Variants in CFAP299 observed in about 807,000 individuals in gnomAD.
CFAP299 encodes the protein cilia- and flagella-associated protein 299.
In CFAP299, 21 loss-of-function variants were observed where a neutral mutation model predicts 27.0. The ratio of observed to expected loss-of-function variants is 0.78; its 90% CI spans 0.55 to 1.12. CFAP299 has a LOEUF of 1.12. Among genes scored for constraint, CFAP299 ranks in the 50% most tolerant of loss-of-function variants. The pLI, the probability that CFAP299 is intolerant of heterozygous loss-of-function variation, is 0.00. For missense variants in CFAP299, 310 were observed against 276.6 expected, an observed-to-expected ratio of 1.12 and a Z score of -0.86; for synonymous variants, 104 against 98.1, an observed-to-expected ratio of 1.06 and a Z score of -0.36.
intron 3 of CFAP299, among the ~76,000 whole-genome samples, chr4:80,784,333 T>C (rs1727112804): frequency 6.6e-6 from 1 of 152,136 alleles, no homozygotes; most frequent in African/African-American, 2.4e-5. Flanking sequence ...GAAGGTTCCT[T>C]TTTCTTCACA....
At chr4:80,448,706 T>TA (rs5859726) in intron 2 of CFAP299, among the ~76,000 whole-genome samples, 4 of 151,454 alleles carry the variant, frequency 2.6e-5, no homozygotes, top group African/African-American at 9.7e-5. Flanking sequence ...TTGAACATAA[T>TA]AAAAAAAAAA....
chr4:80,934,146 A>C (rs1303641722), intron 4 of CFAP299, among the ~76,000 whole-genome samples: 1 of 152,062 alleles, frequency 6.6e-6, no homozygotes, highest in Non-Finnish European at 1.5e-5. Context: ...AAGGATGTCA[A>C]CTTTTGTCAA....
At chr4:80,751,839 G>A (rs182798687) in intron 3 of CFAP299, among the ~76,000 whole-genome samples, 1 of 152,142 alleles carries the variant, frequency 6.6e-6, no homozygotes, top group African/African-American at 2.4e-5. Flanking sequence ...CTTGTAAGGT[G>A]CATTAGAAGT....
chr4:80,839,064 C>T (rs1730723183), intron 3 of CFAP299, among the ~76,000 whole-genome samples: 2 of 152,120 alleles, frequency 1.3e-5, no homozygotes, highest in African/African-American at 4.8e-5. Context: ...CACTATTGTT[C>T]CTCAGCTGCC....
At chr4:80,548,887 G>T (rs116619722) in intron 2 of CFAP299, among the ~76,000 whole-genome samples, 6 of 152,082 alleles carry the variant, frequency 3.9e-5, no homozygotes, top group African/African-American at 1.4e-4. Flanking sequence ...GCTTTATGAG[G>T]ACATGACATT....
intron 2 of CFAP299, among the ~76,000 whole-genome samples, chr4:80,461,268 G>C (rs1472891706): frequency 6.6e-6 from 1 of 152,050 alleles, no homozygotes; most frequent in African/African-American, 2.4e-5. Flanking sequence ...AAGAGACCTG[G>C]AAAAAGAAAG....
chr4:80,664,210 G>C (rs952642649), intron 3 of CFAP299, among the ~76,000 whole-genome samples: 14 of 152,128 alleles, frequency 9.2e-5, no homozygotes, highest in Admixed American at 5.2e-4. Flanking sequence ...CACCAAGCTA[G>C]CTGGAGGAGT....
intron 3 of CFAP299, among the ~76,000 whole-genome samples, chr4:80,818,547 A>G (rs1467966230): frequency 6.6e-6 from 1 of 152,116 alleles, no homozygotes; most frequent in Non-Finnish European, 1.5e-5. Flanking sequence ...AATCTTCTTT[A>G]TATTAGCCAC....
chr4:80,634,260 T>G (rs139767339), intron 3 of CFAP299, among the ~76,000 whole-genome samples: 7,808 of 151,956 alleles, frequency 0.051, 584 homozygotes, highest in African/African-American at 0.16. Flanking sequence ...GGGATTACTG[T>G]TGTGAGCCAC....
intron 2 of CFAP299, among the ~76,000 whole-genome samples, chr4:80,540,731 G>T (rs910907691): frequency 1.1e-4 from 17 of 152,152 alleles, no homozygotes; most frequent in Admixed American, 7.9e-4. Context: ...TATTTTCCAT[G>T]TGTAGGTTTT....
intron 3 of CFAP299, among the ~76,000 whole-genome samples, chr4:80,629,099 A>G (rs1296603677): frequency 6.6e-6 from 1 of 152,190 alleles, no homozygotes; most frequent in Non-Finnish European, 1.5e-5. Context: ...TGGATTAAAA[A>G]ATGTGGACAC....
intron 3 of CFAP299, among the ~76,000 whole-genome samples, chr4:80,801,439 A>G (rs1014197877): frequency 6.6e-6 from 1 of 152,086 alleles, no homozygotes; most frequent in South Asian, 2.1e-4. Flanking sequence ...AGGAAGAACA[A>G]CTTCAAATAA....
At chr4:80,406,659 T>C (rs993762194) in intron 2 of CFAP299, among the ~76,000 whole-genome samples, 2 of 152,212 alleles carry the variant, frequency 1.3e-5, no homozygotes, top group African/African-American at 4.8e-5. Context: ...TATGAACCAC[T>C]GTGCCCAGCC....
intron 2 of CFAP299, among the ~76,000 whole-genome samples, chr4:80,539,023 A>G (rs967058882): frequency 5.3e-5 from 8 of 152,206 alleles, no homozygotes; most frequent in African/African-American, 1.9e-4. Context: ...TTAAAGATTA[A>G]TAGTGATTTC....
At chr4:80,405,489 T>C (rs987847388) in intron 2 of CFAP299, among the ~76,000 whole-genome samples, 8 of 152,216 alleles carry the variant, frequency 5.3e-5, no homozygotes, top group South Asian at 2.1e-4. Flanking sequence ...GTCACTCAAA[T>C]ATATAATTGA....
intron 4 of CFAP299, chr4:80,871,123 T>G: frequency 1.5e-6 from 1 of 687,186 alleles, no homozygotes; most frequent in Non-Finnish European, 1.8e-6. Context: ...GTCAAGCTGG[T>G]CTCAAACTCC....
intron 2 of CFAP299, among the ~76,000 whole-genome samples, chr4:80,553,575 A>T (rs1408203059): frequency 1.3e-5 from 2 of 152,172 alleles, no homozygotes; most frequent in East Asian, 3.8e-4. Context: ...TTTTTGAGGA[A>T]TCACCATACT....
chr4:80,425,958 G>A (rs1727510185), intron 2 of CFAP299, among the ~76,000 whole-genome samples: 1 of 152,140 alleles, frequency 6.6e-6, no homozygotes. Context: ...ATATGCATAT[G>A]TATGTGTTTG....
chr4:80,620,196 G>T (rs1738503706), intron 3 of CFAP299, among the ~76,000 whole-genome samples: 1 of 152,090 alleles, frequency 6.6e-6, no homozygotes. Context: ...AGAGCACAGT[G>T]GTCAAGTCTG....
Sources: allele counts gnomAD v4.1 joint callset (sites outside exome capture counted in the v4.1 genomes callset), GRCh38; gene constraint gnomAD v4.1.1; transcripts MANE v1.5; gene names NCBI Gene and HGNC (gene_info 2026-07-23, HGNC 2026-07-21).